ZNF804B: variants seen among roughly 807,000 people sequenced by gnomAD.
ZNF804B encodes zinc finger protein 804B, also known as zinc finger 804B.
A neutral mutation model predicts 101.4 loss-of-function variants in ZNF804B; 80 were observed. The observed-to-expected ratio is 0.79, with a 90% confidence interval of 0.66 to 0.95. ZNF804B has a LOEUF of 0.95. Among genes scored for constraint, ZNF804B ranks in the 40% least tolerant of loss-of-function variants. ZNF804B has a pLI of 0.00. For missense variants in ZNF804B, 1,673 were observed against 1,561.9 expected, an observed-to-expected ratio of 1.07 and a Z score of -1.20; for synonymous variants, 622 against 558.8, an observed-to-expected ratio of 1.11 and a Z score of -1.59.
chr7:89,269,620 G>A (rs1789852614), intron 2 of ZNF804B, among the ~76,000 whole-genome samples: 5 of 151,970 alleles, frequency 3.3e-5, no homozygotes, highest in South Asian at 2.1e-4. Context: ...CTAGTTCTAG[G>A]TCCATGAGGA....
At chr7:88,902,358 C>T (rs994150129) in intron 1 of ZNF804B, among the ~76,000 whole-genome samples, 1 of 151,980 alleles carries the variant, frequency 6.6e-6, no homozygotes, top group Admixed American at 6.6e-5. Flanking sequence ...TACCCTAGAG[C>T]TATTACTTCC....
intron 2 of ZNF804B, among the ~76,000 whole-genome samples, chr7:89,310,275 T>C (rs1790631580): frequency 6.6e-6 from 1 of 152,120 alleles, no homozygotes; most frequent in South Asian, 2.1e-4. Flanking sequence ...GTAAGTATCA[T>C]GGTGTGATTG....
chr7:89,220,582 G>A (rs373339485), intron 2 of ZNF804B, among the ~76,000 whole-genome samples: 74 of 151,996 alleles, frequency 4.9e-4, no homozygotes, highest in African/African-American at 1.7e-3. Flanking sequence ...TTTGAAGCAA[G>A]TGCCAGATGG....
chr7:89,138,786 A>G (rs1790673898), intron 1 of ZNF804B, among the ~76,000 whole-genome samples: 1 of 152,070 alleles, frequency 6.6e-6, no homozygotes, highest in African/African-American at 2.4e-5. Flanking sequence ...TGGCTTTATA[A>G]GGCAGAGTTT....
intron 1 of ZNF804B, among the ~76,000 whole-genome samples, chr7:88,799,606 A>G (rs530888150): frequency 1.3e-5 from 2 of 152,148 alleles, no homozygotes; most frequent in Admixed American, 6.6e-5. Context: ...ACATTTATCT[A>G]CTGTTATTAT....
At chr7:88,974,534 T>C (rs73401206) in intron 1 of ZNF804B, among the ~76,000 whole-genome samples, 15,865 of 151,188 alleles carry the variant, frequency 0.1, 923 homozygotes, top group Non-Finnish European at 0.12. Flanking sequence ...AAAAAATCAA[T>C]ATTGATAGTT....
chr7:89,022,917 A>T (rs1201386108), intron 1 of ZNF804B, among the ~76,000 whole-genome samples: 2 of 152,172 alleles, frequency 1.3e-5, no homozygotes, highest in African/African-American at 2.4e-5. Context: ...AATCTTACAC[A>T]TTAGGAGAAA....
At chr7:88,932,495 A>G (rs1215116079) in intron 1 of ZNF804B, among the ~76,000 whole-genome samples, 2 of 151,930 alleles carry the variant, frequency 1.3e-5, no homozygotes, top group Non-Finnish European at 2.9e-5. Flanking sequence ...TTCATTGACC[A>G]TTAGTGAGAT....
chr7:88,910,947 A>T (rs1026137856), intron 1 of ZNF804B, among the ~76,000 whole-genome samples: 4 of 152,026 alleles, frequency 2.6e-5, no homozygotes, highest in Admixed American at 1.3e-4. Flanking sequence ...AAATAATTGT[A>T]TCATTGAAGT....
chr7:89,177,871 C>G (rs1322371502), intron 1 of ZNF804B, among the ~76,000 whole-genome samples: 1 of 151,542 alleles, frequency 6.6e-6, no homozygotes, highest in African/African-American at 2.4e-5. Context: ...GGAGGCAGAG[C>G]TTACAGTGAG....
intron 1 of ZNF804B, among the ~76,000 whole-genome samples, chr7:88,808,113 C>T (rs1016873088): frequency 6.6e-6 from 1 of 152,056 alleles, no homozygotes; most frequent in Non-Finnish European, 1.5e-5. Flanking sequence ...AAAACCAGGC[C>T]AGGCACGGTG....
chr7:88,972,133 A>G (rs777294380), intron 1 of ZNF804B, among the ~76,000 whole-genome samples: 4 of 151,530 alleles, frequency 2.6e-5, no homozygotes, highest in Admixed American at 1.3e-4. Flanking sequence ...TTGCTAAGAG[A>G]TGACATTGAG....
intron 1 of ZNF804B, among the ~76,000 whole-genome samples, chr7:88,811,453 C>G (rs1583951393): frequency 6.6e-6 from 1 of 152,224 alleles, no homozygotes; most frequent in East Asian, 1.9e-4. Context: ...TACCATTTGA[C>G]CTAGCAATCC....
At chr7:88,794,507 A>G in intron 1 of ZNF804B, 1 of 1,613,820 alleles carries the variant, frequency 6.2e-7, no homozygotes, top group Non-Finnish European at 8.5e-7. Context: ...GAAACATGCC[A>G]TTGCATAAAA....
At chr7:88,932,734 C>A (rs1007940407) in intron 1 of ZNF804B, among the ~76,000 whole-genome samples, 1 of 151,356 alleles carries the variant, frequency 6.6e-6, no homozygotes, top group Non-Finnish European at 1.5e-5. Flanking sequence ...TAACAAGCAG[C>A]GAGATTGAAT....
chr7:89,255,030 G>A (rs1789604783), intron 2 of ZNF804B, among the ~76,000 whole-genome samples: 2 of 152,188 alleles, frequency 1.3e-5, no homozygotes, highest in African/African-American at 4.8e-5. Context: ...CTGCTATGAA[G>A]AAATAACTGA....
At chr7:88,935,325 C>G (rs1562836725) in intron 1 of ZNF804B, among the ~76,000 whole-genome samples, 1 of 147,772 alleles carries the variant, frequency 6.8e-6, no homozygotes, top group Admixed American at 6.8e-5. Flanking sequence ...ACTCATGTAA[C>G]CAAAAACTAC....
chr7:88,868,795 C>T (rs1445115621), intron 1 of ZNF804B, among the ~76,000 whole-genome samples: 3 of 152,186 alleles, frequency 2.0e-5, no homozygotes, highest in Non-Finnish European at 2.9e-5. Flanking sequence ...AGGTTTCAGC[C>T]AGCAAAGTAG....
intron 1 of ZNF804B, among the ~76,000 whole-genome samples, chr7:88,946,106 G>T (rs923391176): frequency 1.2e-4 from 18 of 151,954 alleles, no homozygotes; most frequent in African/African-American, 4.3e-4. Context: ...TATTTCCCTG[G>T]CTAGAACTTC....
Sources: gnomAD v4.1 joint callset for allele counts (sites outside exome capture counted in the v4.1 genomes callset) on GRCh38, gnomAD v4.1.1 for gene constraint, MANE v1.5 for transcripts, NCBI Gene and HGNC (gene_info 2026-07-23, HGNC 2026-07-21) for gene names.